MICU1: variants seen among roughly 807,000 people sequenced by gnomAD.
MICU1 encodes the protein calcium uptake protein 1, mitochondrial.
In MICU1, 45 loss-of-function variants were observed where a neutral mutation model predicts 56.8. The ratio of observed to expected loss-of-function variants is 0.79; its 90% CI spans 0.62 to 1.02. The LOEUF (loss-of-function observed/expected upper bound fraction) is 1.02, where lower values mean the gene tolerates loss of function less well. MICU1 is among the 50% of genes least tolerant of loss of function. The probability of loss-of-function intolerance (pLI) is 0.00; values close to 1 mark genes in which losing one functional copy is unlikely to be tolerated. For missense variants in MICU1, 504 were observed against 587.1 expected, an observed-to-expected ratio of 0.86 and a Z score of 1.46; for synonymous variants, 186 against 195.1, an observed-to-expected ratio of 0.95 and a Z score of 0.39.
intron 8 of MICU1, among the ~76,000 whole-genome samples, chr10:72,424,088 T>C (rs374183964): frequency 3.3e-5 from 5 of 151,302 alleles, no homozygotes; most frequent in African/African-American, 1.2e-4. Context: ...ATTACTTTTG[T>C]ATCAACCTAT....
intron 5 of MICU1, among the ~76,000 whole-genome samples, chr10:72,531,146 A>C (rs1839469859): frequency 6.6e-6 from 1 of 152,172 alleles, no homozygotes; most frequent in African/African-American, 2.4e-5. Context: ...ATAGGAGTAA[A>C]TAATTCTTTC....
chr10:72,563,520 A>G (rs1392834922), intron 2 of MICU1, among the ~76,000 whole-genome samples: 1 of 152,214 alleles, frequency 6.6e-6, no homozygotes, highest in Non-Finnish European at 1.5e-5. Context: ...GTTACCTGGA[A>G]TATTTAGATT....
chr10:72,552,500 T>C (rs1224038984), intron 3 of MICU1, among the ~76,000 whole-genome samples: 1 of 152,220 alleles, frequency 6.6e-6, no homozygotes, highest in Non-Finnish European at 1.5e-5. Context: ...TCCATGTCCA[T>C]AAAGCAATTT....
At chr10:72,381,995 C>T (rs1032025486) in intron 10 of MICU1, among the ~76,000 whole-genome samples, 5 of 147,728 alleles carry the variant, frequency 3.4e-5, no homozygotes, top group Non-Finnish European at 7.4e-5. Flanking sequence ...CACACACACA[C>T]ACACACACAC....
intron 1 of MICU1, among the ~76,000 whole-genome samples, chr10:72,623,991 G>A (rs1193595471): frequency 4.6e-5 from 7 of 152,142 alleles, no homozygotes; most frequent in Admixed American, 4.6e-4. Flanking sequence ...AGCAAGTGCT[G>A]CAGCCATTGT....
intron 5 of MICU1, among the ~76,000 whole-genome samples, chr10:72,514,097 TTTC>T (rs759547434): frequency 7.9e-5 from 12 of 152,272 alleles, no homozygotes; most frequent in Non-Finnish European, 1.8e-4. Context: ...TCACTAATTC[TTTC>T]TTCTGCCTGC....
chr10:72,542,819 G>A (rs779098360), intron 4 of MICU1, among the ~76,000 whole-genome samples: 10 of 152,256 alleles, frequency 6.6e-5, no homozygotes, highest in Middle Eastern at 6.8e-3. Context: ...AATTGAGGTC[G>A]CACGAACAAA....
intron 3 of MICU1, among the ~76,000 whole-genome samples, chr10:72,552,066 C>G (rs1840048156): frequency 6.6e-6 from 1 of 152,166 alleles, no homozygotes; most frequent in African/African-American, 2.4e-5. Flanking sequence ...AGTCAAAGTA[C>G]ATTCAATGAT....
chr10:72,617,305 T>C (rs1842005508), intron 1 of MICU1, among the ~76,000 whole-genome samples: 1 of 152,182 alleles, frequency 6.6e-6, no homozygotes, highest in Non-Finnish European at 1.5e-5. Context: ...CATCCCTTAG[T>C]ATGATCTAAC....
At chr10:72,533,654 T>C (rs759433310) in intron 5 of MICU1, 92 bp downstream of exon 5, 9 of 921,536 alleles carry the variant, frequency 9.8e-6, no homozygotes, top group Non-Finnish European at 1.3e-5. Context: ...AAACAGGTAT[T>C]CAGTGATTTC....
intron 10 of MICU1, among the ~76,000 whole-genome samples, chr10:72,378,075 C>T (rs1164389402): frequency 6.6e-6 from 1 of 152,038 alleles, no homozygotes; most frequent in South Asian, 2.1e-4. Context: ...CATGGTGAAA[C>T]CCTGTCTCTA....
At chr10:72,549,668 C>T (rs552564751) in intron 4 of MICU1, among the ~76,000 whole-genome samples, 5 of 152,178 alleles carry the variant, frequency 3.3e-5, no homozygotes, top group East Asian at 1.9e-4. Flanking sequence ...CAGTGGGTCA[C>T]GCCTGTAATC....
At chr10:72,499,649 T>C (rs1866959836) in intron 6 of MICU1, among the ~76,000 whole-genome samples, 1 of 152,196 alleles carries the variant, frequency 6.6e-6, no homozygotes, top group Admixed American at 6.5e-5. Context: ...ATTATGAAGA[T>C]AATAGCTAAA....
At chr10:72,377,309 G>A (rs1862556959) in intron 10 of MICU1, among the ~76,000 whole-genome samples, 1 of 152,008 alleles carries the variant, frequency 6.6e-6, no homozygotes, top group African/African-American at 2.4e-5. Flanking sequence ...TAGTAGAGAT[G>A]GGGTTTCACC....
chr10:72,465,309 G>GTTTTTTT (rs58604429), intron 8 of MICU1, among the ~76,000 whole-genome samples: 4 of 121,936 alleles, frequency 3.3e-5, no homozygotes, highest in Non-Finnish European at 4.9e-5. Flanking sequence ...ATAGTTTTTT[G>GTTTTTTT]TTTTTTTTTT....
intron 9 of MICU1, among the ~76,000 whole-genome samples, chr10:72,421,024 AT>A (rs1190240069): frequency 6.8e-5 from 10 of 146,284 alleles, no homozygotes; most frequent in African/African-American, 2.0e-4. Context: ...AAAAATAATA[AT>A]AATAATAATA....
rs575322521 is a variant in MICU1, at chr10:72,465,240, C to T, written c.933+9860G>A. Among the ~76,000 whole-genome samples the T allele has an allele frequency of 1.9e-4, 29 of 151,582 alleles. No homozygotes were observed. The East Asian group carries it at 5.4e-3, about 28-fold the overall frequency. ...CTTGAACTCCTGGCCTCAAGTGATCCTCCTGCCCTGGCCTCCAAAAGTGCT... is the reference window on the plus strand; with the variant it reads ...CTTGAACTCCTGGCCTCAAGTGATCTTCCTGCCCTGGCCTCCAAAAGTGCT... On this transcript the variant is annotated intron_variant, in intron 8 of 11. Coordinates refer to ENST00000361114, the MANE Select transcript of MICU1 (RefSeq NM_001195518.2).
At chr10:72,510,372 A>AT (rs983537907) in intron 5 of MICU1, among the ~76,000 whole-genome samples, 1 of 152,140 alleles carries the variant, frequency 6.6e-6, no homozygotes, top group African/African-American at 2.4e-5. Flanking sequence ...TTTGCCTTGT[A>AT]TTTTTTCAAC....
At position 72,563,038 on chromosome 10, in the gene MICU1, C is replaced by A; in HGVS notation, c.187G>T (p.Val63Leu). Residue 63 changes from valine to leucine, a missense_variant, in exon 3 of 12, where the codon GTA becomes TTA. Coordinates refer to ENST00000361114, the MANE Select transcript of MICU1 (RefSeq NM_001195518.2). Reference sequence around the variant, plus strand: ...CCGATGTCACTTTTTAGGTTGTCTACACATGGTGGAGATTCTGCATGGGCC... The same window carrying A: ...CCGATGTCACTTTTTAGGTTGTCTAAACATGGTGGAGATTCTGCATGGGCC... ...KRAHAESPPC[V>L]DNLKSDIGDK... 6.3e-7 allele frequency: 1 copy of A among 1,587,762 alleles called. No individual in the cohort carries two copies. The highest frequency in any genetic ancestry group is 8.6e-7 in the Non-Finnish European group (1 of 1,169,510).
Sources: gnomAD v4.1 joint callset for allele counts (sites outside exome capture counted in the v4.1 genomes callset) on GRCh38, gnomAD v4.1.1 for gene constraint, MANE v1.5 for transcripts, NCBI Gene and HGNC (gene_info 2026-07-23, HGNC 2026-07-21) for gene names.